VSX2: variants seen among roughly 807,000 people sequenced by gnomAD.
VSX2 encodes ceh-10 homeo domain containing homolog.
VSX2 carries 28 observed loss-of-function variants against 32.1 expected under a neutral mutation model. The ratio of observed to expected loss-of-function variants is 0.87; its 90% CI spans 0.65 to 1.20. The LOEUF (loss-of-function observed/expected upper bound fraction) is 1.20. VSX2 is among the 50% of genes most tolerant of loss of function. The probability of loss-of-function intolerance (pLI) is 0.00; values close to 1 mark genes in which losing one functional copy is unlikely to be tolerated. For synonymous variants in VSX2, 243 were observed against 214.1 expected (o/e 1.14, Z -1.18); for missense variants, 506 against 488.7 (o/e 1.04, Z -0.33).
At chr14:74,240,032 A>G in intron 1 of VSX2, 101 bp downstream of exon 1, 4 of 1,457,480 alleles carry the variant, frequency 2.7e-6, no homozygotes, top group South Asian at 2.7e-5. Context: ...CAGGCGGAAA[A>G]GTTCCTGCCA....
chr14:74,249,872 G>A (rs965553788), intron 3 of VSX2, among the ~76,000 whole-genome samples: 4 of 152,162 alleles, frequency 2.6e-5, no homozygotes, highest in African/African-American at 9.6e-5. Context: ...TGGAGGTGGA[G>A]GATTATGGTG....
At chr14:74,253,612 A>G (rs899060970) in intron 3 of VSX2, among the ~76,000 whole-genome samples, 2 of 152,186 alleles carry the variant, frequency 1.3e-5, no homozygotes, top group African/African-American at 4.8e-5. Flanking sequence ...AGGGCAGGTA[A>G]GGAATGGGAA....
chr14:74,258,536 G>A (rs919495211), intron 3 of VSX2, among the ~76,000 whole-genome samples: 6 of 152,120 alleles, frequency 3.9e-5, no homozygotes, highest in African/African-American at 1.2e-4. Context: ...CTGCCCCCGG[G>A]GTCTGAGCCT....
In VSX2 at chr14:74,260,291, T is replaced by A. The variant is rs550168835; in HGVS notation, c.761-303T>A. Among the ~76,000 whole-genome samples the A allele has an allele frequency of 9.2e-5, 14 of 152,308 alleles. No individual in the cohort carries two copies. In the East Asian group the frequency reaches 2.7e-3, roughly 29 times the overall value. On this transcript the variant is annotated intron_variant, in intron 4 of 4. Transcript: ENST00000261980. ...ACAGCACCAGCTCCTCTTGGGGTTC[T>A]AAGATCCGGAATCCCATGGGGGAGG...
At position 74,239,777 on chromosome 14, in the gene VSX2, G is replaced by A. The variant is rs1385636209; in HGVS notation, c.216G>A (p.Gly72=). The change falls in exon 1 of 5, where the codon GGG becomes GGA. Residue 72 remains glycine (G), a synonymous_variant. Coordinates refer to ENST00000261980, the MANE Select transcript of VSX2 (RefSeq NM_182894.3). ...LAARSVLSPA[G]VGGMGLLGPG... The stretch of plus-strand genomic sequence containing the variant: ...CGCGCTCAGTGCTCAGCCCCGCGGG[G>A]GTGGGCGGCATGGGGCTTCTGGGGC... 1.3e-6 allele frequency: 2 copies of A among 1,557,784 alleles called. No homozygotes were observed. Among genetic ancestry groups the A allele is most frequent in the Non-Finnish European group, 1.7e-6 (2 of 1,151,848 alleles).
intron 2 of VSX2, among the ~76,000 whole-genome samples, chr14:74,243,583 TA>T (rs898333888): frequency 2.3e-4 from 35 of 152,276 alleles, no homozygotes; most frequent in African/African-American, 7.9e-4. Context: ...TGAATTTCTT[TA>T]TTGTTTATTT....
chr14:74,252,551 C>T (rs1234381395), intron 3 of VSX2, among the ~76,000 whole-genome samples: 4 of 151,940 alleles, frequency 2.6e-5, no homozygotes, highest in African/African-American at 9.7e-5. Flanking sequence ...CCACGACGCT[C>T]ACCTAATTTT....
At chr14:74,253,534 A>G (rs2079242836) in intron 3 of VSX2, among the ~76,000 whole-genome samples, 1 of 152,252 alleles carries the variant, frequency 6.6e-6, no homozygotes, top group Non-Finnish European at 1.5e-5. Flanking sequence ...TTCAGTTATC[A>G]CTATGTGGCA....
At chr14:74,242,963 G>A (rs1210754052) in intron 2 of VSX2, among the ~76,000 whole-genome samples, 1 of 152,164 alleles carries the variant, frequency 6.6e-6, no homozygotes, top group Non-Finnish European at 1.5e-5. Flanking sequence ...GGGGGTTTTG[G>A]TGGGTTTTCA....
chr14:74,244,294 G>A (rs1224774253), intron 2 of VSX2, among the ~76,000 whole-genome samples: 1 of 152,164 alleles, frequency 6.6e-6, no homozygotes, highest in East Asian at 1.9e-4. Flanking sequence ...GGCTCTCAGG[G>A]TGGCCCGAAT....
chr14:74,258,685 G>A (rs1372674587), intron 3 of VSX2, among the ~76,000 whole-genome samples: 1 of 152,108 alleles, frequency 6.6e-6, no homozygotes, highest in African/African-American at 2.4e-5. Flanking sequence ...AGCTGCTCTG[G>A]GGGACCAAGA....
intron 1 of VSX2, 81 bp from the exon 2 acceptor site, chr14:74,241,101 C>G (rs986107724): frequency 6.8e-7 from 1 of 1,480,250 alleles, no homozygotes; most frequent in African/African-American, 1.4e-5. Flanking sequence ...CGGAGGCAGC[C>G]CGGGGTGGGG....
At chr14:74,259,532 T>C (rs1688072511) in intron 3 of VSX2, 70 bp from the exon 4 acceptor site, 11 of 1,598,004 alleles carry the variant, frequency 6.9e-6, no homozygotes, top group Non-Finnish European at 9.4e-6. Flanking sequence ...ACTCCAAGCC[T>C]ACAAGGGGTA....
chr14:74,244,633 G>C (rs932493873), intron 2 of VSX2, among the ~76,000 whole-genome samples: 1 of 152,124 alleles, frequency 6.6e-6, no homozygotes, highest in Non-Finnish European at 1.5e-5. Flanking sequence ...GTGGAGCTGG[G>C]CTATTTAGTA....
intron 3 of VSX2, among the ~76,000 whole-genome samples, chr14:74,248,146 GC>G (rs2079204557): frequency 6.6e-6 from 1 of 151,910 alleles, no homozygotes; most frequent in Admixed American, 6.6e-5. Flanking sequence ...TCCTGAGCCA[GC>G]CCCCTCCCAG....
intron 1 of VSX2, among the ~76,000 whole-genome samples, chr14:74,240,936 C>T (rs1282780799): frequency 2.0e-5 from 3 of 152,196 alleles, no homozygotes; most frequent in Non-Finnish European, 4.4e-5. Flanking sequence ...CGGTCCCAAG[C>T]GCGCCGGGGC....
At chr14:74,243,591 AT>A (rs1472510339) in intron 2 of VSX2, among the ~76,000 whole-genome samples, 1 of 151,922 alleles carries the variant, frequency 6.6e-6, no homozygotes, top group Non-Finnish European at 1.5e-5. Flanking sequence ...TTTATTGTTT[AT>A]TTTGATGCTC....
At position 74,254,784 on chromosome 14, in the gene VSX2, A is replaced by ATTTTTTTTTTTTTTTTCTTTTTT; in HGVS notation, c.580-4805_580-4804insTTTCTTTTTTTTTTTTTTTTTTT. On this transcript the variant is annotated intron_variant, in intron 3 of 4. Coordinates refer to ENST00000261980, the MANE Select transcript of VSX2 (RefSeq NM_182894.3). ...ATCCTCCAAAAACCCCGAAAAGTGG[A>ATTTTTTTTTTTTTTTTCTTTTTT]TTTTTTTTTTTTTGAGACGCAGTCT... Among the ~76,000 whole-genome samples the ATTTTTTTTTTTTTTTTCTTTTTT allele has an allele frequency of 1.7e-5, 2 of 116,612 alleles. 1 individual carries two copies. The highest frequency in any genetic ancestry group is 3.5e-5 in the Non-Finnish European group (2 of 56,940). 76.5% of individuals were successfully genotyped at this position (116,612 alleles called of 152,430 possible).
Position 74,241,231 on chromosome 14 carries a change from A to C in VSX2, c.420A>C (p.Leu140Phe). 1 of 1,613,434 alleles carries C rather than the reference A, an allele frequency of 6.2e-7. No homozygotes were observed. Among genetic ancestry groups the C allele is most frequent in the Middle Eastern group, 1.6e-4 (1 of 6,062 alleles). Residue 140 changes from leucine (L) to phenylalanine (F), a missense_variant, in exon 2 of 5, where the codon TTA (leucine) becomes TTC (phenylalanine). By Grantham distance (22) the Leu-to-Phe change is conservative (BLOSUM62 0). Transcript: ENST00000261980. ...SSDRKMSKSA[L>F]NQTKKRKKRR... ...ATCGAAAAATGTCCAAATCTGCTTT[A>C]AACCAGACCAAGAAACGGAAGAAGC... is the stretch of plus-strand genomic sequence containing the variant.
Sources: allele counts gnomAD v4.1 joint callset (sites outside exome capture counted in the v4.1 genomes callset), GRCh38; gene constraint gnomAD v4.1.1; transcripts MANE v1.5; gene names NCBI Gene and HGNC (gene_info 2026-07-23, HGNC 2026-07-21).